CASP2: variants seen among roughly 807,000 people sequenced by gnomAD.
CASP2 encodes the protein caspase 2.
CASP2 carries 38 observed loss-of-function variants against 54.4 expected under a neutral mutation model. That is an observed-to-expected ratio of 0.70 (90% CI 0.54 to 0.92). The LOEUF (loss-of-function observed/expected upper bound fraction) is 0.92, where lower values mean the gene tolerates loss of function less well. Ranked by LOEUF, CASP2 falls within the 40% of genes least tolerant of loss-of-function variation. CASP2 has a pLI of 0.00. For synonymous variants in CASP2, 215 were observed against 216.3 expected, an observed-to-expected ratio of 0.99 and a Z score of 0.05; for missense variants, 512 against 579.6, an observed-to-expected ratio of 0.88 and a Z score of 1.20.
intron 1 of CASP2, among the ~76,000 whole-genome samples, chr7:143,289,300 G>A (rs1335991402): frequency 6.6e-6 from 1 of 152,208 alleles, no homozygotes. Context: ...TAATGTTCAC[G>A]TTTAAGACTC....
intron 8 of CASP2, 32 bp downstream of exon 8, chr7:143,300,326 G>A: frequency 1.9e-6 from 3 of 1,610,986 alleles, no homozygotes; most frequent in South Asian, 1.1e-5. Context: ...CACCTGGGTG[G>A]TGGCTCCTGG....
At chr7:143,300,426 C>T (rs559161604) in intron 8 of CASP2, 132 bp downstream of exon 8, 48 of 1,597,594 alleles carry the variant, frequency 3.0e-5, no homozygotes, top group Non-Finnish European at 3.9e-5. Flanking sequence ...CTGCTGCCAC[C>T]GCCTCTCTTG....
intron 8 of CASP2, chr7:143,303,101 T>TA (rs1390245713): frequency 4.7e-5 from 7 of 149,956 alleles, no homozygotes; most frequent in South Asian, 2.1e-4. Context: ...CCATCTCTAT[T>TA]AAAAAAAGAA....
chr7:143,293,213 G>T (rs1801639179), intron 4 of CASP2: 1 of 598,710 alleles, frequency 1.7e-6, no homozygotes, highest in South Asian at 2.0e-5. Flanking sequence ...CTGCAGCGTT[G>T]AACTCCTGGG....
intron 8 of CASP2, chr7:143,303,534 A>G (rs997680685): frequency 9.2e-6 from 4 of 432,738 alleles, no homozygotes; most frequent in Non-Finnish European, 1.7e-5. Context: ...AACTGCTCCA[A>G]CCGCATAGAT....
chr7:143,299,149 C>G (rs1000020690), intron 6 of CASP2, among the ~76,000 whole-genome samples: 4 of 151,920 alleles, frequency 2.6e-5, no homozygotes, highest in African/African-American at 7.3e-5. Context: ...AAGATGGAGT[C>G]TTGCTAGGTT....
At chr7:143,303,619 TA>T in intron 8 of CASP2, 164 bp from the exon 9 acceptor site, 2 of 595,422 alleles carry the variant, frequency 3.4e-6, no homozygotes, top group African/African-American at 1.9e-5. Context: ...GAGAGAGTAA[TA>T]ATTTTTTTTT....
At chr7:143,298,283 C>G (rs949867479) in intron 6 of CASP2, among the ~76,000 whole-genome samples, 13 of 152,188 alleles carry the variant, frequency 8.5e-5, no homozygotes, top group African/African-American at 3.1e-4. Context: ...ACCCAGATAA[C>G]TTACTTATTT....
Position 143,304,754 on chromosome 7 carries a change from G to T in CASP2, c.1198G>T (p.Asp400Tyr). Residue 400 changes from aspartate to tyrosine, a missense_variant, in exon 10 of 11, where the codon GAT becomes TAT. Coordinates refer to ENST00000310447, the MANE Select transcript of CASP2 (RefSeq NM_032982.4). ...LAQVFSERAC[D>Y]MHVADMLVKV... ...TCAAGTGTTTTCTGAGCGGGCTTGT[G>T]ATATGCACGTGGCCGACATGCTGGT... 6.2e-7 allele frequency: 1 copy of T among 1,614,194 alleles called. No homozygotes were observed. The highest frequency in any genetic ancestry group is 1.1e-5 in the South Asian group (1 of 91,080).
In CASP2 at chr7:143,306,553, G is replaced by T. The variant is rs1483823126; in HGVS notation, c.*1482G>T. ...ATTACAGGCGTGAGCCACTGCGCCC[G>T]GGCAAGACCTTTTTTTAAAAAAAAA... On this transcript the variant is annotated 3_prime_UTR_variant, in exon 11 of 11. Transcript: ENST00000310447. The T allele has an allele frequency of 6.7e-6, 1 of 148,570 alleles. No homozygotes were observed. The highest frequency in any genetic ancestry group is 1.5e-5 in the Non-Finnish European group (1 of 67,394). 9.2% of individuals were successfully genotyped at this position (148,570 alleles called of 1,614,324 possible).
Position 143,304,672 on chromosome 7 carries a change from A to C in CASP2, c.1118-2A>C. On this transcript the variant is annotated splice_acceptor_variant, in intron 9 of 10. Coordinates refer to ENST00000310447, the MANE Select transcript of CASP2 (RefSeq NM_032982.4). LOFTEE classifies it high-confidence loss of function. ...CTGTGATTAATGCCCTTTTGGTTGCAGGGACTGCCGCCATGCGGAACACCA... is the reference window on the plus strand; with the variant it reads ...CTGTGATTAATGCCCTTTTGGTTGCCGGGACTGCCGCCATGCGGAACACCA... 1 of 1,612,782 alleles carries C rather than the reference A, an allele frequency of 6.2e-7. No individual in the cohort carries two copies. Among genetic ancestry groups the C allele is most frequent in the East Asian group, 2.2e-5 (1 of 44,878 alleles).
Position 143,288,351 on chromosome 7 carries a change from G to T in CASP2, c.-105G>T. On this transcript the variant is annotated 5_prime_UTR_variant, in exon 1 of 11. Transcript: ENST00000310447. ...GGCGCGGCAGGGCGCAGGCGCAGGCGCAGTGTGCGTCCGCGTCTGAGGGGA... is the reference window on the plus strand; with the variant it reads ...GGCGCGGCAGGGCGCAGGCGCAGGCTCAGTGTGCGTCCGCGTCTGAGGGGA... The T allele has an allele frequency of 8.6e-7, 1 of 1,158,530 alleles. No homozygotes were observed. The highest frequency in any genetic ancestry group is 1.3e-6 in the Non-Finnish European group (1 of 794,956). The allele number at this position is 1,158,530 out of a possible 1,614,324, so 71.8% of individuals were successfully genotyped here. A position where few individuals can be genotyped will look rare whatever the true frequency, so the allele number is the denominator to read the frequency against.
chr7:143,292,491 G>T (rs1259493124), intron 3 of CASP2, 24 bp downstream of exon 3: 1 of 1,613,676 alleles, frequency 6.2e-7, no homozygotes, highest in South Asian at 1.1e-5. Context: ...GTAATATGGG[G>T]TGTTGGGAAG....
At position 143,288,399 on chromosome 7, in the gene CASP2, C is replaced by G; in HGVS notation, c.-57C>G. 1 of 1,558,964 alleles carries G rather than the reference C, an allele frequency of 6.4e-7. No individual in the cohort carries two copies. ...GGAGGGATGTGGGGGAAGCGACGGC[C>G]CCCGGTTTGTTTGGGCTGTGGGCGG... On this transcript the variant is annotated 5_prime_UTR_variant, in exon 1 of 11. Coordinates refer to ENST00000310447, the MANE Select transcript of CASP2 (RefSeq NM_032982.4).
rs769448055 is a variant in CASP2, at chr7:143,292,460, T to C, written c.386T>C (p.Leu129Pro). The C allele has an allele frequency of 2.5e-6, 4 of 1,613,962 alleles. No individual in the cohort carries two copies. Among genetic ancestry groups the C allele is most frequent in the Non-Finnish European group, 2.5e-6 (3 of 1,180,016 alleles). The change falls in exon 3 of 11, where the codon CTC (leucine) becomes CCC (proline). Residue 129 changes from leucine to proline, a missense_variant. Physicochemically the swap from Leu to Pro is moderately conservative, Grantham distance 98 (BLOSUM62 -3). Coordinates refer to ENST00000310447, the MANE Select transcript of CASP2 (RefSeq NM_032982.4). ...ACCCTTTCTGGGCTTCAGCATGTACTCCCACCGGTATGAAGCTTTAGTAAT... is the reference window on the plus strand; with the variant it reads ...ACCCTTTCTGGGCTTCAGCATGTACCCCCACCGGTATGAAGCTTTAGTAAT... ...LTTLSGLQHVLPPLSCDYDLS... is the reference protein window; with the variant it reads ...LTTLSGLQHVPPPLSCDYDLS...
At chr7:143,302,018 AG>A (rs1328332989) in intron 8 of CASP2, 1 of 152,246 alleles carries the variant, frequency 6.6e-6, no homozygotes, top group African/African-American at 2.4e-5. Context: ...CCCCAGGCCC[AG>A]GGCACTGCCT....
chr7:143,294,003 G>A lies in CASP2; in HGVS notation c.476-227G>A, dbSNP rs538819491. The stretch of plus-strand genomic sequence containing the variant: ...GAGGCTTTTATCAGCTAGCCCATTC[G>A]GTCATTCAGCCAGTTGAGCATATGC... On this transcript the variant is annotated intron_variant, in intron 4 of 10. Transcript: ENST00000310447. Among the ~76,000 whole-genome samples the A allele has an allele frequency of 1.2e-3, 190 of 152,268 alleles. 2 individuals are homozygous for A. Among genetic ancestry groups the A allele is most frequent in the South Asian group, 8.5e-3 (41 of 4,826 alleles).
intron 2 of CASP2, 63 bp downstream of exon 2, chr7:143,291,753 T>C (rs1304877249): frequency 8.1e-7 from 1 of 1,231,060 alleles, no homozygotes; most frequent in Non-Finnish European, 1.2e-6. Context: ...CATGACAAAA[T>C]ATGGAAAGGG....
chr7:143,296,250 T>C (rs1801745497), intron 6 of CASP2, among the ~76,000 whole-genome samples: 1 of 152,242 alleles, frequency 6.6e-6, no homozygotes, highest in African/African-American at 2.4e-5. Context: ...TCTAATTCTT[T>C]GGTTGAATTG....
Sources: gnomAD v4.1 joint callset for allele counts (sites outside exome capture counted in the v4.1 genomes callset) on GRCh38, gnomAD v4.1.1 for gene constraint, MANE v1.5 for transcripts, NCBI Gene and HGNC (gene_info 2026-07-23, HGNC 2026-07-21) for gene names.